SEC11C: variants seen among roughly 807,000 people sequenced by gnomAD.
SEC11C encodes SEC11 homolog C, signal peptidase complex subunit.
Under a neutral mutation model 21.9 loss-of-function variants are expected in SEC11C, and 10 were observed. The observed-to-expected ratio is 0.46, with a 90% CI of 0.28 to 0.77. The LOEUF (loss-of-function observed/expected upper bound fraction) is 0.77, where lower values mean the gene tolerates loss of function less well. Ranked by LOEUF, SEC11C falls within the 30% of genes least tolerant of loss-of-function variation. The pLI is 0.12. For synonymous variants in SEC11C, 83 were observed against 85.6 expected (o/e 0.97, Z 0.17); for missense variants, 145 against 244.5 (o/e 0.59, Z 2.71).
intron 3 of SEC11C, among the ~76,000 whole-genome samples, chr18:59,155,303 A>G (rs1009396510): frequency 1.1e-4 from 16 of 152,232 alleles, no homozygotes; most frequent in Admixed American, 2.0e-4. Context: ...TTGCCCACTG[A>G]TGAATGACAC....
intron 4 of SEC11C, chr18:59,156,074 T>A: frequency 3.2e-6 from 1 of 311,516 alleles, no homozygotes; most frequent in Non-Finnish European, 6.0e-6. Flanking sequence ...CTCACACCTG[T>A]AATCCCAGCA....
chr18:59,140,032 C>A lies in SEC11C; in HGVS notation c.84C>A (p.Arg28=), dbSNP rs1389269423. ...IFGDLKKMNK[R]QLYYQVLNFA... ...GGGACCTGAAGAAGATGAACAAGCGCCAGGTGACGGAGGAGGGTGGTGAGC... is the reference window on the plus strand; with the variant it reads ...GGGACCTGAAGAAGATGAACAAGCGACAGGTGACGGAGGAGGGTGGTGAGC... Residue 28 remains arginine, a synonymous_variant, in exon 1 of 6, where the codon CGC becomes CGA. Transcript: ENST00000587834. 1 of 1,587,088 alleles carries A rather than the reference C, an allele frequency of 6.3e-7. No individual in the cohort carries two copies. Among genetic ancestry groups the A allele is most frequent in the Non-Finnish European group, 8.6e-7 (1 of 1,164,306 alleles).
chr18:59,150,457 G>A (rs534503895), intron 2 of SEC11C, among the ~76,000 whole-genome samples: 56 of 152,358 alleles, frequency 3.7e-4, no homozygotes, highest in Admixed American at 6.5e-4. Flanking sequence ...CCCTCATGTG[G>A]TTGGCCAAGG....
In SEC11C at chr18:59,155,593, T is replaced by G. The variant is rs1387190202; in HGVS notation, c.348-95T>G. 6 of 1,332,628 alleles carry G rather than the reference T, an allele frequency of 4.5e-6. No individual in the cohort carries two copies. In the African/African-American group the frequency reaches 8.8e-5, roughly 20 times the overall value. The allele number at this position is 1,332,628 out of a possible 1,614,324, so 82.6% of individuals were successfully genotyped here. Reference sequence around the variant, plus strand: ...TATCTTTGACTGTTTTTCTAAATGCTCCTGTCTGACAGTAAAGTCTTGAGT... The same window carrying G: ...TATCTTTGACTGTTTTTCTAAATGCGCCTGTCTGACAGTAAAGTCTTGAGT... On this transcript the variant is annotated intron_variant, in intron 3 of 5. Transcript: ENST00000587834.
intron 2 of SEC11C, 109 bp downstream of exon 2, chr18:59,149,731 A>C (rs750949473): frequency 1.6e-5 from 9 of 571,332 alleles, no homozygotes; most frequent in African/African-American, 1.8e-5. Context: ...CTAAAATTCA[A>C]GATTTTAATT....
chr18:59,143,916 A>G (rs577793591), intron 1 of SEC11C, among the ~76,000 whole-genome samples: 2 of 150,136 alleles, frequency 1.3e-5, no homozygotes, highest in East Asian at 3.9e-4. Flanking sequence ...CAGTGGTGCA[A>G]TCTCGGCTCA....
Position 59,157,614 on chromosome 18 carries a change from A to G in SEC11C, c.474A>G (p.Leu158=), listed in dbSNP as rs111354435. 2.9e-5 allele frequency: 46 copies of G among 1,606,294 alleles called. 2 individuals are homozygous for G. In the African/African-American group the frequency reaches 2.9e-4, roughly 10 times the overall value. Residue 158 remains leucine (L), a synonymous_variant, in exon 5 of 6, where the codon TTA becomes TTG. Coordinates refer to ENST00000587834, the MANE Select transcript of SEC11C (RefSeq NM_033280.4). ...TTTTTATCCCACAATTTAGGTTTTT[A>G]CCATATGTTGGTATGGTCACCATAA... is the stretch of plus-strand genomic sequence containing the variant. The part of the protein sequence containing the change: ...KDVVGRARGF[L]PYVGMVTIIM...
intron 1 of SEC11C, among the ~76,000 whole-genome samples, chr18:59,145,973 C>A (rs943319824): frequency 3.3e-5 from 5 of 152,218 alleles, no homozygotes; most frequent in African/African-American, 1.2e-4. Context: ...TAAGTACACT[C>A]TATGATGTTC....
chr18:59,140,629 A>G (rs933212328), intron 1 of SEC11C, among the ~76,000 whole-genome samples: 2 of 152,210 alleles, frequency 1.3e-5, no homozygotes, highest in Non-Finnish European at 2.9e-5. Context: ...CAGTGTTCCC[A>G]GCGAGATTCC....
intron 1 of SEC11C, among the ~76,000 whole-genome samples, chr18:59,146,777 C>T (rs138906289): frequency 1.3e-5 from 2 of 151,972 alleles, no homozygotes; most frequent in Admixed American, 6.6e-5. Context: ...GAAGGGTTTG[C>T]GATGGGAGAG....
chr18:59,143,586 A>G (rs1265993468), intron 1 of SEC11C, among the ~76,000 whole-genome samples: 1 of 152,126 alleles, frequency 6.6e-6, no homozygotes, highest in Non-Finnish European at 1.5e-5. Context: ...TGTTTTCAGA[A>G]TAGAGAATAG....
intron 1 of SEC11C, among the ~76,000 whole-genome samples, chr18:59,148,807 C>T (rs575112743): frequency 5.3e-5 from 8 of 152,072 alleles, no homozygotes; most frequent in African/African-American, 1.4e-4. Flanking sequence ...TTAGTAGAGA[C>T]GGGGTTTCAC....
At position 59,155,915 on chromosome 18, in the gene SEC11C, G is replaced by T. The variant is rs112418610; in HGVS notation, c.467+108G>T. Reference sequence around the variant, plus strand: ...GTTAATTACAAATATGACATATCAGGAGAGTTTTAAGCAGTTCTAGTTTAT... The same window carrying T: ...GTTAATTACAAATATGACATATCAGTAGAGTTTTAAGCAGTTCTAGTTTAT... On this transcript the variant is annotated intron_variant, in intron 4 of 5. Transcript: ENST00000587834. 1.8e-4 allele frequency: 242 copies of T among 1,327,908 alleles called. 3 individuals are homozygous for T. The African/African-American group carries it at 2.8e-3, about 15-fold the overall frequency. The allele number at this position is 1,327,908 out of a possible 1,614,324, so 82.3% of individuals were successfully genotyped here.
chr18:59,151,543 A>G (rs773256983), intron 2 of SEC11C, among the ~76,000 whole-genome samples: 3 of 152,142 alleles, frequency 2.0e-5, no homozygotes, highest in Non-Finnish European at 4.4e-5. Flanking sequence ...ACGTAAACCT[A>G]TCAGAAGGTA....
At chr18:59,155,331 G>T (rs1022424154) in intron 3 of SEC11C, among the ~76,000 whole-genome samples, 1 of 152,192 alleles carries the variant, frequency 6.6e-6, no homozygotes, top group African/African-American at 2.4e-5. Flanking sequence ...CTTGTTTACA[G>T]GTTAAAAAAT....
chr18:59,144,892 A>C (rs2069252897), intron 1 of SEC11C, among the ~76,000 whole-genome samples: 1 of 151,904 alleles, frequency 6.6e-6, no homozygotes, highest in Non-Finnish European at 1.5e-5. Flanking sequence ...TTCTGTTGGA[A>C]TTTTAGTGTT....
chr18:59,140,019 A>T lies in SEC11C; in HGVS notation c.71A>T (p.Lys24Met), dbSNP rs1182497693. The change falls in exon 1 of 6, where the codon AAG becomes ATG. Residue 24 changes from lysine to methionine, a missense_variant. Lys to Met is a moderately conservative substitution (Grantham distance 95, BLOSUM62 -1). Transcript: ENST00000587834. The stretch of plus-strand genomic sequence containing the variant: ...TTGGATATCTTCGGGGACCTGAAGA[A>T]GATGAACAAGCGCCAGGTGACGGAG... The part of the protein sequence containing the change: ...SGLDIFGDLK[K>M]MNKRQLYYQV... 1 of 1,589,750 alleles carries T rather than the reference A, an allele frequency of 6.3e-7. No homozygotes were observed. The highest frequency in any genetic ancestry group is 8.6e-7 in the Non-Finnish European group (1 of 1,165,510).
At chr18:59,144,748 A>AG (rs2069250773) in intron 1 of SEC11C, among the ~76,000 whole-genome samples, 1 of 150,696 alleles carries the variant, frequency 6.6e-6, no homozygotes, top group Non-Finnish European at 1.5e-5. Flanking sequence ...AAAAAAAAAA[A>AG]AGTTGCTAGA....
chr18:59,151,144 C>T (rs2069347374), intron 2 of SEC11C, among the ~76,000 whole-genome samples: 2 of 152,016 alleles, frequency 1.3e-5, no homozygotes. Context: ...TGATAATGAC[C>T]CTTGATGTCC....
Sources: gnomAD v4.1 joint callset for allele counts (sites outside exome capture counted in the v4.1 genomes callset) on GRCh38, gnomAD v4.1.1 for gene constraint, MANE v1.5 for transcripts, NCBI Gene and HGNC (gene_info 2026-07-23, HGNC 2026-07-21) for gene names.